Variants in RFX7 observed in about 807,000 individuals in gnomAD.
RFX7 encodes the protein regulatory factor X7.
A neutral mutation model predicts 111.8 loss-of-function variants in RFX7; 26 were observed. That is an observed-to-expected ratio of 0.23 (90% CI 0.17 to 0.32). The LOEUF (loss-of-function observed/expected upper bound fraction) is 0.32. RFX7 is among the 10% of genes least tolerant of loss of function. The pLI, the probability that RFX7 is intolerant of heterozygous loss-of-function variation, is 1.00. For missense variants in RFX7, 1,573 were observed against 1,772.9 expected, an observed-to-expected ratio of 0.89 and a Z score of 2.02; for synonymous variants, 624 against 624.4, an observed-to-expected ratio of 1.00 and a Z score of 0.01.
intron 3 of RFX7, among the ~76,000 whole-genome samples, chr15:56,163,707 T>C (rs1241236564): frequency 4.6e-5 from 7 of 152,210 alleles, no homozygotes; most frequent in African/African-American, 1.7e-4. Flanking sequence ...GGCTGATCTA[T>C]AGCAGAGACT....
At chr15:56,110,143 G>C (rs1285382898) in intron 5 of RFX7, among the ~76,000 whole-genome samples, 8 of 138,240 alleles carry the variant, frequency 5.8e-5, no homozygotes, top group African/African-American at 1.9e-4. Context: ...GGGAGGTGGG[G>C]GGGTCAGCCC....
In RFX7 at chr15:56,110,168, C is replaced by T. The variant is rs1189173156; in HGVS notation, c.402-6498G>A. ...GGGGTCAGCCCCCCGCCTGGCCAGC[C>T]GCCCCGTCCAGGAGGTGAGGGGAGC... On this transcript the variant is annotated intron_variant, in intron 5 of 9. Transcript: ENST00000559447. Among the ~76,000 whole-genome samples the T allele has an allele frequency of 4.5e-5, 6 of 133,466 alleles. No individual in the cohort carries two copies. In the East Asian group the frequency reaches 1.2e-3, roughly 27 times the overall value. The allele number at this position is 133,466 out of a possible 152,430, so 87.6% of individuals were successfully genotyped here.
At chr15:56,210,828 A>G (rs2043306463) in intron 2 of RFX7, among the ~76,000 whole-genome samples, 2 of 152,094 alleles carry the variant, frequency 1.3e-5, no homozygotes, top group African/African-American at 4.8e-5. Flanking sequence ...AGCACTGAAT[A>G]CATATATTAG....
At chr15:56,240,308 G>C (rs547795327) in intron 2 of RFX7, among the ~76,000 whole-genome samples, 1 of 152,074 alleles carries the variant, frequency 6.6e-6, no homozygotes, top group African/African-American at 2.4e-5. Flanking sequence ...TTAACCTAGA[G>C]TTAACTTGAA....
chr15:56,189,757 T>C (rs150770059), intron 2 of RFX7: 23 of 152,294 alleles, frequency 1.5e-4, no homozygotes, highest in African/African-American at 4.8e-4. Context: ...GAAGCAACCA[T>C]AGCTTTCATA....
At chr15:56,146,556 T>C (rs1376613161) in intron 3 of RFX7, among the ~76,000 whole-genome samples, 1 of 152,092 alleles carries the variant, frequency 6.6e-6, no homozygotes, top group African/African-American at 2.4e-5. Flanking sequence ...TGGAGAAACC[T>C]TGGATTCTAT....
Position 56,184,259 on chromosome 15 carries a change from A to C in RFX7, c.162-4956T>G, listed in dbSNP as rs528287482. Among the ~76,000 whole-genome samples, 63 of 145,106 alleles carry C rather than the reference A, an allele frequency of 4.3e-4. No individual in the cohort carries two copies. The South Asian group carries it at 5.0e-3, about 11-fold the overall frequency. ...TCTCCATGTTGGTCAGGCTGGTCTCAAACTCCCAGCCTCACATGATCCACC... is the reference window on the plus strand; with the variant it reads ...TCTCCATGTTGGTCAGGCTGGTCTCCAACTCCCAGCCTCACATGATCCACC... On this transcript the variant is annotated intron_variant, in intron 2 of 9. Coordinates refer to ENST00000559447, the MANE Select transcript of RFX7 (RefSeq NM_022841.7).
chr15:56,096,249 G>C lies in RFX7; in HGVS notation c.1479C>G (p.Ala493=), dbSNP rs1272038808. The change falls in exon 10 of 10, where the codon GCC becomes GCG. Residue 493 remains alanine, a synonymous_variant. Coordinates refer to ENST00000559447, the MANE Select transcript of RFX7 (RefSeq NM_022841.7). Reference sequence around the variant, plus strand: ...TTGTTCCTGTAGCACTGCTGACTGAGGCAGAATGTTTAAGAGGGGTGTTAC... The same window carrying C: ...TTGTTCCTGTAGCACTGCTGACTGACGCAGAATGTTTAAGAGGGGTGTTAC... The part of the protein sequence containing the change: ...SNSNTPLKHS[A]SVSSATGTTE... The C allele has an allele frequency of 5.0e-6, 8 of 1,613,846 alleles. No homozygotes were observed. In the African/African-American group the frequency reaches 1.1e-4, roughly 22 times the overall value.
chr15:56,164,240 A>G (rs1260112741), intron 3 of RFX7, among the ~76,000 whole-genome samples: 1 of 152,184 alleles, frequency 6.6e-6, no homozygotes, highest in East Asian at 1.9e-4. Flanking sequence ...GCCAAACAAA[A>G]CAATTTTGTG....
At chr15:56,126,228 A>C (rs1417216290) in intron 5 of RFX7, among the ~76,000 whole-genome samples, 2 of 152,190 alleles carry the variant, frequency 1.3e-5, no homozygotes, top group Non-Finnish European at 2.9e-5. Flanking sequence ...TCCATAAAAC[A>C]ATGGAAAATC....
chr15:56,239,642 A>C (rs1156538276), intron 2 of RFX7, among the ~76,000 whole-genome samples: 1 of 152,086 alleles, frequency 6.6e-6, no homozygotes, highest in Non-Finnish European at 1.5e-5. Flanking sequence ...GGCACTAAAA[A>C]CGTTTGGGAT....
intron 3 of RFX7, among the ~76,000 whole-genome samples, chr15:56,147,175 T>C (rs575124924): frequency 2.0e-5 from 3 of 152,340 alleles, no homozygotes; most frequent in South Asian, 2.1e-4. Context: ...ATTTATAAAA[T>C]AAATCATAAT....
intron 2 of RFX7, among the ~76,000 whole-genome samples, chr15:56,217,845 A>G (rs1007592537): frequency 1.3e-5 from 2 of 152,178 alleles, no homozygotes; most frequent in African/African-American, 2.4e-5. Context: ...CTTTCACTCA[A>G]TCGAGCCAAT....
chr15:56,114,102 A>G (rs1392722608), intron 5 of RFX7, among the ~76,000 whole-genome samples: 1 of 152,144 alleles, frequency 6.6e-6, no homozygotes, highest in Non-Finnish European at 1.5e-5. Flanking sequence ...GACCCTAACC[A>G]TAAAGAAATT....
intron 5 of RFX7, among the ~76,000 whole-genome samples, chr15:56,118,041 A>G (rs1482566380): frequency 1.3e-5 from 2 of 151,890 alleles, no homozygotes; most frequent in African/African-American, 2.4e-5. Flanking sequence ...CTATCTACAC[A>G]TATTTTAAAA....
At chr15:56,240,858 T>G (rs1239978389) in intron 2 of RFX7, among the ~76,000 whole-genome samples, 1 of 152,174 alleles carries the variant, frequency 6.6e-6, no homozygotes, top group African/African-American at 2.4e-5. Flanking sequence ...TTAAAAATGA[T>G]TTAATACATA....
chr15:56,244,073 C>G (rs2141259588), upstream of RFX7: 1 of 151,420 alleles, frequency 6.6e-6, no homozygotes, highest in South Asian at 2.1e-4. Context: ...AGCAGGAAAA[C>G]GTGGGGGAGG....
chr15:56,124,433 A>G (rs2042116824), intron 5 of RFX7, among the ~76,000 whole-genome samples: 1 of 152,030 alleles, frequency 6.6e-6, no homozygotes, highest in African/African-American at 2.4e-5. Flanking sequence ...GAAAAAAAAA[A>G]AAAAATCCAT....
chr15:56,181,283 C>G (rs151215111), intron 2 of RFX7, among the ~76,000 whole-genome samples: 1 of 152,342 alleles, frequency 6.6e-6, no homozygotes, highest in East Asian at 1.9e-4. Context: ...TCCCATATAA[C>G]TTATCCCTTT....
Sources: allele counts gnomAD v4.1 joint callset (sites outside exome capture counted in the v4.1 genomes callset), GRCh38; gene constraint gnomAD v4.1.1; transcripts MANE v1.5; gene names NCBI Gene and HGNC (gene_info 2026-07-23, HGNC 2026-07-21).